Variants in ROBO1 observed in about 807,000 individuals in gnomAD.
ROBO1 encodes roundabout guidance receptor 1.
In ROBO1, 149 loss-of-function variants were observed where a neutral mutation model predicts 195.9. The observed-to-expected ratio is 0.76, with a 90% confidence interval of 0.67 to 0.87. The LOEUF is 0.87. ROBO1 is among the 40% of genes least tolerant of loss of function. ROBO1 has a pLI of 0.00. For synonymous variants in ROBO1, 816 were observed against 733.2 expected (o/e 1.11, Z -1.82); for missense variants, 1,933 against 2,068.3 (o/e 0.93, Z 1.27).
chr3:79,016,255 G>A (rs1451655570), intron 3 of ROBO1, among the ~76,000 whole-genome samples: 3 of 152,152 alleles, frequency 2.0e-5, no homozygotes, highest in African/African-American at 7.2e-5. Context: ...CCCAAGTTCA[G>A]ATTCACAGCA....
At chr3:78,697,321 C>T (rs2081322767) in intron 8 of ROBO1, among the ~76,000 whole-genome samples, 1 of 152,016 alleles carries the variant, frequency 6.6e-6, no homozygotes, top group Admixed American at 6.6e-5. Context: ...CTGCTTGTCA[C>T]ATTCAGGAGA....
At position 79,481,639 on chromosome 3, in the gene ROBO1, G is replaced by A. The variant is rs371215968; in HGVS notation, c.88+108185C>T. Among the ~76,000 whole-genome samples, 209 of 152,188 alleles carry A rather than the reference G, an allele frequency of 1.4e-3. 1 individual carries two copies. Among genetic ancestry groups the A allele is most frequent in the African/African-American group, 4.7e-3 (197 of 41,532 alleles). On this transcript the variant is annotated intron_variant, in intron 2 of 30. Coordinates refer to ENST00000464233, the MANE Select transcript of ROBO1 (RefSeq NM_002941.4). ...TTGAACTGGCCACTCTGTGCTACTG[G>A]TATTTAAAATTTTCGAACCATTTTT... is the stretch of plus-strand genomic sequence containing the variant.
intron 1 of ROBO1, among the ~76,000 whole-genome samples, chr3:79,663,924 C>T (rs1276479771): frequency 6.6e-6 from 1 of 152,016 alleles, no homozygotes; most frequent in Non-Finnish European, 1.5e-5. Context: ...GGTTCAAATG[C>T]ACTAGAACAG....
At chr3:78,619,889 A>G (rs1704347836) in intron 26 of ROBO1, among the ~76,000 whole-genome samples, 2 of 151,422 alleles carry the variant, frequency 1.3e-5, no homozygotes, top group African/African-American at 4.9e-5. Context: ...GTGGTGGTGC[A>G]TGCCTGTAAT....
chr3:79,326,477 A>G (rs529704637), intron 2 of ROBO1, among the ~76,000 whole-genome samples: 4 of 152,312 alleles, frequency 2.6e-5, no homozygotes, highest in African/African-American at 9.6e-5. Flanking sequence ...GAAAAATAGA[A>G]AAGAACCTAT....
At chr3:78,625,491 G>T (rs1415964474) in intron 26 of ROBO1, among the ~76,000 whole-genome samples, 2 of 152,160 alleles carry the variant, frequency 1.3e-5, no homozygotes, top group Admixed American at 1.3e-4. Flanking sequence ...TTAGACACAT[G>T]GTGAAGTTCA....
intron 4 of ROBO1, among the ~76,000 whole-genome samples, chr3:78,882,344 G>A (rs1226732048): frequency 2.0e-5 from 3 of 152,052 alleles, no homozygotes; most frequent in Non-Finnish European, 4.4e-5. Context: ...TTTCTAAAAC[G>A]ATAGAAGTTG....
chr3:78,985,505 G>A (rs1459712624), intron 3 of ROBO1, among the ~76,000 whole-genome samples: 1 of 152,070 alleles, frequency 6.6e-6, no homozygotes, highest in Non-Finnish European at 1.5e-5. Context: ...CAGCACCCCT[G>A]GCCCCAGTGT....
At chr3:79,470,509 T>C (rs563065859) in intron 2 of ROBO1, among the ~76,000 whole-genome samples, 11 of 152,250 alleles carry the variant, frequency 7.2e-5, no homozygotes, top group African/African-American at 2.4e-4. Context: ...TGTATACATA[T>C]GTAACAAAAA....
Position 79,017,402 on chromosome 3 carries a change from C to G in ROBO1, c.173-78475G>C, listed in dbSNP as rs946732477. Reference sequence around the variant, plus strand: ...TGACTCTTACCGATAAGCCCTGATGCAATTTGAAGCTCAGTATGCGAATGT... The same window carrying G: ...TGACTCTTACCGATAAGCCCTGATGGAATTTGAAGCTCAGTATGCGAATGT... On this transcript the variant is annotated intron_variant, in intron 3 of 30. Transcript: ENST00000464233. 3.3e-5 allele frequency among the ~76,000 whole-genome samples: 5 copies of G among 151,146 alleles called. No homozygotes were observed. The South Asian group carries it at 1.0e-3, about 32-fold the overall frequency.
chr3:78,777,798 CCT>C (rs1264367921), intron 4 of ROBO1, among the ~76,000 whole-genome samples: 4 of 152,132 alleles, frequency 2.6e-5, no homozygotes, highest in African/African-American at 9.7e-5. Context: ...GATTTGACTT[CCT>C]CTCTTACTAT....
chr3:79,738,506 A>G (rs1703486141), intron 1 of ROBO1, among the ~76,000 whole-genome samples: 2 of 152,098 alleles, frequency 1.3e-5, no homozygotes, highest in Admixed American at 1.3e-4. Flanking sequence ...GAAAATAATA[A>G]AAAGTCTGTA....
chr3:78,920,533 C>G (rs1028240207), intron 4 of ROBO1, among the ~76,000 whole-genome samples: 8 of 151,444 alleles, frequency 5.3e-5, no homozygotes, highest in Non-Finnish European at 1.0e-4. Flanking sequence ...TCTCAAACTC[C>G]TGATCTGATG....
intron 2 of ROBO1, among the ~76,000 whole-genome samples, chr3:79,450,740 T>A (rs1322742005): frequency 6.6e-6 from 1 of 151,904 alleles, no homozygotes; most frequent in Non-Finnish European, 1.5e-5. Context: ...ACTACAATTT[T>A]AAATAATTTC....
chr3:78,825,330 G>A (rs1392944068), intron 4 of ROBO1, among the ~76,000 whole-genome samples: 1 of 152,108 alleles, frequency 6.6e-6, no homozygotes, highest in African/African-American at 2.4e-5. Context: ...CTCACCAAAT[G>A]AGCCTGGATT....
intron 3 of ROBO1, among the ~76,000 whole-genome samples, chr3:79,023,700 T>G: frequency 1.9e-5 from 1 of 51,954 alleles, no homozygotes; most frequent in South Asian, 7.3e-4. Context: ...GACAGAGTTT[T>G]TTTTTTTTTT....
At chr3:78,947,464 T>G (rs1020048083) in intron 3 of ROBO1, among the ~76,000 whole-genome samples, 2 of 152,234 alleles carry the variant, frequency 1.3e-5, no homozygotes, top group African/African-American at 4.8e-5. Context: ...AAAGATGTTC[T>G]TTGAAACCAA....
chr3:78,809,030 T>C (rs1461898592), intron 4 of ROBO1, among the ~76,000 whole-genome samples: 1 of 151,806 alleles, frequency 6.6e-6, no homozygotes, highest in Non-Finnish European at 1.5e-5. Context: ...TTCTGCACAG[T>C]AAAAGAAACT....
chr3:78,942,926 T>TA lies in ROBO1; in HGVS notation c.173-4000_173-3999insT, dbSNP rs1217570578. 2.0e-5 allele frequency among the ~76,000 whole-genome samples: 3 copies of TA among 151,774 alleles called. No homozygotes were observed. In the East Asian group the frequency reaches 5.8e-4, roughly 29 times the overall value. On this transcript the variant is annotated intron_variant, in intron 3 of 30. Transcript: ENST00000464233. ...GACCCCATCTCTAAAAAGTTTATTT[T>TA]TTTTTTTGCCGGGTGCGGTGGGTCA... is the stretch of plus-strand genomic sequence containing the variant.
Sources: allele counts gnomAD v4.1 joint callset (sites outside exome capture counted in the v4.1 genomes callset), GRCh38; gene constraint gnomAD v4.1.1; transcripts MANE v1.5; gene names NCBI Gene and HGNC (gene_info 2026-07-23, HGNC 2026-07-21).